FLYWCH1: variants seen among roughly 807,000 people sequenced by gnomAD.
FLYWCH1 encodes the protein FLYWCH-type zinc finger 1.
In FLYWCH1, 75 loss-of-function variants were observed where a neutral mutation model predicts 66.4. The observed-to-expected ratio is 1.13, with a 90% CI of 0.94 to 1.37. The LOEUF is 1.37. FLYWCH1 is among the 40% of genes most tolerant of loss of function. The probability of loss-of-function intolerance (pLI) is 0.00; values close to 1 mark genes in which losing one functional copy is unlikely to be tolerated. For missense variants in FLYWCH1, 1,334 were observed against 1,001.8 expected, an observed-to-expected ratio of 1.33 and a Z score of -4.48; for synonymous variants, 595 against 429.9, an observed-to-expected ratio of 1.38 and a Z score of -4.75.
Position 2,919,814 on chromosome 16 carries a change from C to A in FLYWCH1, c.-74+5525C>A, listed in dbSNP as rs1281788423. ...TGCCACCCGTGTAATTTTACCAAGG[C>A]AATAGGAACATTTCAGGAGCAACAC... On this transcript the variant is annotated intron_variant, in intron 2 of 9. Transcript: ENST00000253928. Among the ~76,000 whole-genome samples, 8 of 152,254 alleles carry A rather than the reference C, an allele frequency of 5.3e-5. No individual in the cohort carries two copies. In the East Asian group the frequency reaches 1.5e-3, roughly 29 times the overall value.
chr16:2,931,729 G>A lies in FLYWCH1; in HGVS notation c.796+849G>A, dbSNP rs973278764. ...TCATGCCTGTAATCTCAGCACTTTCGGAGGCTGAGGTGGGCGGATCATGAG... is the reference window on the plus strand; with the variant it reads ...TCATGCCTGTAATCTCAGCACTTTCAGAGGCTGAGGTGGGCGGATCATGAG... On this transcript the variant is annotated intron_variant, in intron 4 of 9. Coordinates refer to ENST00000253928, the MANE Select transcript of FLYWCH1 (RefSeq NM_001308068.2). Among the ~76,000 whole-genome samples the A allele has an allele frequency of 5.3e-5, 8 of 151,284 alleles. No homozygotes were observed. The East Asian group carries it at 7.9e-4, about 15-fold the overall frequency.
intron 2 of FLYWCH1, among the ~76,000 whole-genome samples, chr16:2,917,178 A>C (rs2070199422): frequency 6.6e-6 from 1 of 151,606 alleles, no homozygotes; most frequent in Non-Finnish European, 1.5e-5. Flanking sequence ...AAGTAAAAAA[A>C]ATTTTTAAAA....
chr16:2,925,553 C>T (rs935530305), intron 2 of FLYWCH1, among the ~76,000 whole-genome samples: 8 of 63,226 alleles, frequency 1.3e-4, no homozygotes, highest in Non-Finnish European at 2.1e-4. Flanking sequence ...CCAATCAGCG[C>T]GCGCGGGGTA....
At chr16:2,924,596 C>G (rs1277208347) in intron 2 of FLYWCH1, among the ~76,000 whole-genome samples, 1 of 152,194 alleles carries the variant, frequency 6.6e-6, no homozygotes, top group Non-Finnish European at 1.5e-5. Flanking sequence ...CCTGCAGACT[C>G]AGGGCCCTGG....
intron 2 of FLYWCH1, among the ~76,000 whole-genome samples, chr16:2,925,268 G>T (rs928798118): frequency 1.3e-5 from 2 of 152,210 alleles, no homozygotes; most frequent in Non-Finnish European, 2.9e-5. Context: ...GAGGGCGGGG[G>T]CCTCGCGGGA....
At chr16:2,936,533 C>T (rs972381167) in intron 6 of FLYWCH1, 8 of 454,270 alleles carry the variant, frequency 1.8e-5, no homozygotes, top group African/African-American at 1.6e-4. Flanking sequence ...TCCACGATGC[C>T]CCAGGCCACC....
At chr16:2,935,643 G>A (rs1418139687) in intron 6 of FLYWCH1, 1 of 152,134 alleles carries the variant, frequency 6.6e-6, no homozygotes, top group Non-Finnish European at 1.5e-5. Context: ...GGGGCAGCCT[G>A]GCCTCCGTGG....
rs2150863162 is a variant in FLYWCH1 at position 2,912,013 on chromosome 16, AGGTCGGGGCTGGGAGCTGGTGCCCG to A, written c.-320_-296del. 1 of 152,436 alleles carries A rather than the reference AGGTCGGGGCTGGGAGCTGGTGCCCG, an allele frequency of 6.6e-6. No individual in the cohort carries two copies. Among genetic ancestry groups the A allele is most frequent in the South Asian group, 2.0e-4 (1 of 4,900 alleles). The allele number at this position is 152,436 out of a possible 1,614,324, so 9.4% of individuals were successfully genotyped here. A position where few individuals can be genotyped will look rare whatever the true frequency, so the allele number is the denominator to read the frequency against. On this transcript the variant is annotated 5_prime_UTR_variant, in exon 1 of 10. Coordinates refer to ENST00000253928, the MANE Select transcript of FLYWCH1 (RefSeq NM_001308068.2). The stretch of plus-strand genomic sequence containing the variant: ...GTCACGGGGCTCGCTCCCGAGGGGC[AGGTCGGGGCTGGGAGCTGGTGCCCG>A]GGTCGGGGTGGCGGCGGCGGCCTGG...
At chr16:2,942,720 CTTTTTTTTTT>C (rs34247000) in intron 9 of FLYWCH1, among the ~76,000 whole-genome samples, 3 of 82,794 alleles carry the variant, frequency 3.6e-5, no homozygotes, top group Non-Finnish European at 6.5e-5. Flanking sequence ...CATCTGGGAA[CTTTTTTTTTT>C]TTTTTTTTTT....
At chr16:2,936,830 G>C (rs754073563) in intron 6 of FLYWCH1, 1 of 602,066 alleles carries the variant, frequency 1.7e-6, no homozygotes, top group Non-Finnish European at 3.1e-6. Flanking sequence ...GGGTGCTGGG[G>C]ACGGACGAGT....
At chr16:2,926,274 G>A (rs1002479527) in intron 2 of FLYWCH1, among the ~76,000 whole-genome samples, 5 of 152,194 alleles carry the variant, frequency 3.3e-5, no homozygotes, top group African/African-American at 1.2e-4. Flanking sequence ...AATTGGCAAA[G>A]AATTAAAACA....
At position 2,922,702 on chromosome 16, in the gene FLYWCH1, C is replaced by A. The variant is rs1029910393; in HGVS notation, c.-73-6911C>A. On this transcript the variant is annotated intron_variant, in intron 2 of 9. Coordinates refer to ENST00000253928, the MANE Select transcript of FLYWCH1 (RefSeq NM_001308068.2). ...TTGGCCACACCCAAAGCATCCTGAT[C>A]AGGAGCCAGTGGAACATGTGCCTTC... is the stretch of plus-strand genomic sequence containing the variant. The A allele has an allele frequency of 2.8e-5, 14 of 492,296 alleles. No individual in the cohort carries two copies. In the East Asian group the frequency reaches 7.2e-4, roughly 25 times the overall value. 30.5% of individuals were successfully genotyped at this position (492,296 alleles called of 1,614,324 possible).
intron 2 of FLYWCH1, among the ~76,000 whole-genome samples, chr16:2,922,090 T>G (rs2070393905): frequency 1.3e-5 from 2 of 152,172 alleles, no homozygotes; most frequent in African/African-American, 4.8e-5. Flanking sequence ...ATGGGTACAT[T>G]TTGAATCAGA....
chr16:2,949,525 TCAGA>T lies in FLYWCH1; in HGVS notation c.*802_*805del, dbSNP rs904808054. On this transcript the variant is annotated 3_prime_UTR_variant, in exon 10 of 10. Transcript: ENST00000253928. The stretch of plus-strand genomic sequence containing the variant: ...GGCAGCAAAGGCGTGTCCCCTTCTG[TCAGA>T]CAGCTTCACAGAGTGTGGCTTCACC... 2.6e-5 allele frequency: 4 copies of T among 152,142 alleles called. No individual in the cohort carries two copies. The highest frequency in any genetic ancestry group is 7.2e-5 in the African/African-American group (3 of 41,392). 9.4% of individuals were successfully genotyped at this position (152,142 alleles called of 1,614,324 possible).
At position 2,937,113 on chromosome 16, in the gene FLYWCH1, C is replaced by A. The variant is rs776758990; in HGVS notation, c.1514-8C>A. On this transcript the variant is annotated splice_region_variant and splice_polypyrimidine_tract_variant and intron_variant, in intron 6 of 9. Coordinates refer to ENST00000253928, the MANE Select transcript of FLYWCH1 (RefSeq NM_001308068.2). The stretch of plus-strand genomic sequence containing the variant: ...GTCCGCTGCTCCTCCCCTCCCATTT[C>A]TCAACAGGAGGCCCCGAGTTCCTGA... The A allele has an allele frequency of 1.3e-6, 2 of 1,596,350 alleles. No individual in the cohort carries two copies. The highest frequency in any genetic ancestry group is 1.8e-4 in the Middle Eastern group (1 of 5,414).
chr16:2,915,226 C>G, intron 2 of FLYWCH1: 1 of 151,464 alleles, frequency 6.6e-6, no homozygotes, highest in South Asian at 2.1e-4. Context: ...CAACCTCCAT[C>G]TCCCCGGTAG....
In FLYWCH1 at chr16:2,933,983, C is replaced by T. The variant is rs749027179; in HGVS notation, c.1513+4C>T. 1.7e-5 allele frequency: 26 copies of T among 1,520,740 alleles called. No homozygotes were observed. The highest frequency in any genetic ancestry group is 2.3e-5 in the Non-Finnish European group (26 of 1,131,526). 94.2% of individuals were successfully genotyped at this position (1,520,740 alleles called of 1,614,324 possible). A position where few individuals can be genotyped will look rare whatever the true frequency, so the allele number is the denominator to read the frequency against. On this transcript the variant is annotated splice_donor_region_variant and intron_variant, in intron 6 of 9. Transcript: ENST00000253928. ...ACGGCGCAGCGGGGGAGCCCAGGTA[C>T]CTGGGGGTGGGCTGGGAGCTGGGCC...
rs569112798 is a variant in FLYWCH1, at chr16:2,938,598, C to T, written c.2050+142C>T. 4.1e-4 allele frequency: 272 copies of T among 665,106 alleles called. 2 individuals are homozygous for T. The African/African-American group carries it at 5.0e-3, about 12-fold the overall frequency. The allele number at this position is 665,106 out of a possible 1,614,324, so 41.2% of individuals were successfully genotyped here. A position where few individuals can be genotyped will look rare whatever the true frequency, so the allele number is the denominator to read the frequency against. On this transcript the variant is annotated intron_variant, in intron 8 of 9. Coordinates refer to ENST00000253928, the MANE Select transcript of FLYWCH1 (RefSeq NM_001308068.2). ...TTATTCATATAAACAGAATGTGAAA[C>T]CAGTCTTTGTTTTTTTTTTTTTTTT...
intron 7 of FLYWCH1, among the ~76,000 whole-genome samples, chr16:2,937,761 G>A (rs913140566): frequency 6.6e-6 from 1 of 152,098 alleles, no homozygotes; most frequent in Non-Finnish European, 1.5e-5. Context: ...GTTCTCTCTG[G>A]CCACCCCAAC....
Sources: allele counts gnomAD v4.1 joint callset (sites outside exome capture counted in the v4.1 genomes callset), GRCh38; gene constraint gnomAD v4.1.1; transcripts MANE v1.5; gene names NCBI Gene and HGNC (gene_info 2026-07-23, HGNC 2026-07-21).